The following DPYD variants were observed in gnomAD, a reference collection of about 807,000 sequenced individuals.
The protein encoded by DPYD is dihydropyrimidine dehydrogenase, also known as dihydropyrimidine dehydrogenase [NADP(+)].
In DPYD, 109 loss-of-function variants were observed where a neutral mutation model predicts 116.2. The ratio of observed to expected loss-of-function variants is 0.94; its 90% CI spans 0.80 to 1.10. DPYD has a LOEUF of 1.10. Ranked by LOEUF, DPYD falls within the 50% of genes least tolerant of loss-of-function variation. The probability of loss-of-function intolerance (pLI) is 0.00; values close to 1 mark genes in which losing one functional copy is unlikely to be tolerated. For synonymous variants in DPYD, 440 were observed against 432.0 expected (o/e 1.02, Z -0.23); for missense variants, 1,302 against 1,254.5 (o/e 1.04, Z -0.57).
At chr1:97,554,763 C>A (rs1370221816) in intron 11 of DPYD, among the ~76,000 whole-genome samples, 1 of 152,090 alleles carries the variant, frequency 6.6e-6, no homozygotes, top group Non-Finnish European at 1.5e-5. Context: ...CTCCCTTCCA[C>A]TTCTCAGTAC....
At chr1:97,794,420 G>A (rs1261121217) in intron 3 of DPYD, among the ~76,000 whole-genome samples, 1 of 151,968 alleles carries the variant, frequency 6.6e-6, no homozygotes, top group African/African-American at 2.4e-5. Context: ...TACCAAATAA[G>A]ACATACAGAT....
chr1:97,514,006 C>A (rs898941978), intron 13 of DPYD, among the ~76,000 whole-genome samples: 5 of 151,746 alleles, frequency 3.3e-5, no homozygotes, highest in African/African-American at 1.2e-4. Flanking sequence ...TTTTGTTGTA[C>A]CCACCATCAA....
chr1:97,274,979 G>T (rs1013294789), intron 18 of DPYD, among the ~76,000 whole-genome samples: 2 of 152,166 alleles, frequency 1.3e-5, no homozygotes, highest in Non-Finnish European at 2.9e-5. Flanking sequence ...TTTGGGGAGT[G>T]TAAGGAAAAT....
At chr1:97,898,297 G>A (rs1466670991) in intron 1 of DPYD, among the ~76,000 whole-genome samples, 1 of 151,730 alleles carries the variant, frequency 6.6e-6, no homozygotes, top group Non-Finnish European at 1.5e-5. Flanking sequence ...TGATCTGCAG[G>A]TTTCTCTCTG....
At chr1:97,255,708 GTT>G (rs11428644) in intron 18 of DPYD, among the ~76,000 whole-genome samples, 2 of 149,190 alleles carry the variant, frequency 1.3e-5, no homozygotes, top group African/African-American at 2.5e-5. Context: ...TATTTTTGCC[GTT>G]TTTTTTTTTC....
intron 18 of DPYD, among the ~76,000 whole-genome samples, chr1:97,291,116 G>T (rs972766012): frequency 2.0e-5 from 3 of 152,192 alleles, no homozygotes; most frequent in African/African-American, 7.2e-5. Context: ...TCAGAGAAAT[G>T]CAAATCAAAA....
At chr1:97,564,801 C>T (rs948537849) in intron 11 of DPYD, among the ~76,000 whole-genome samples, 1 of 152,118 alleles carries the variant, frequency 6.6e-6, no homozygotes, top group African/African-American at 2.4e-5. Context: ...AACTTAGTCA[C>T]GGTAACTACT....
intron 20 of DPYD, among the ~76,000 whole-genome samples, chr1:97,175,393 G>A (rs966037984): frequency 1.3e-5 from 2 of 152,106 alleles, no homozygotes; most frequent in Non-Finnish European, 2.9e-5. Flanking sequence ...CAAAATTATG[G>A]TGATGTGCAA....
intron 11 of DPYD, among the ~76,000 whole-genome samples, 170 bp downstream of exon 11, chr1:97,573,590 T>C (rs1207694073): frequency 6.6e-6 from 1 of 152,160 alleles, no homozygotes; most frequent in African/African-American, 2.4e-5. Flanking sequence ...TAATTCTATA[T>C]AAGCATTAAA....
At chr1:97,454,300 G>A (rs749815096) in intron 13 of DPYD, among the ~76,000 whole-genome samples, 4 of 151,928 alleles carry the variant, frequency 2.6e-5, no homozygotes, top group Non-Finnish European at 5.9e-5. Flanking sequence ...TAGAGTTAGA[G>A]TTTAAATAAT....
intron 14 of DPYD, among the ~76,000 whole-genome samples, chr1:97,431,552 G>A (rs1267296383): frequency 6.6e-6 from 1 of 152,010 alleles, no homozygotes; most frequent in Admixed American, 6.6e-5. Context: ...TCAGTTTGGG[G>A]AATTTCTTTC....
intron 3 of DPYD, among the ~76,000 whole-genome samples, chr1:97,776,714 C>T (rs866135257): frequency 6.6e-6 from 1 of 152,142 alleles, no homozygotes; most frequent in Non-Finnish European, 1.5e-5. Flanking sequence ...TGTAAATTCT[C>T]CAGGCAGAGG....
chr1:97,864,562 A>G (rs1671278744), intron 2 of DPYD, among the ~76,000 whole-genome samples: 1 of 151,882 alleles, frequency 6.6e-6, no homozygotes. Context: ...TGTAGATAAT[A>G]AATCTTGATA....
intron 7 of DPYD, among the ~76,000 whole-genome samples, chr1:97,684,702 G>C (rs1416430218): frequency 1.3e-5 from 2 of 151,986 alleles, no homozygotes; most frequent in Non-Finnish European, 2.9e-5. Context: ...AAGCATCGAA[G>C]AATATTATAA....
chr1:97,146,666 TTG>T (rs1475577998), intron 20 of DPYD, among the ~76,000 whole-genome samples: 1 of 152,174 alleles, frequency 6.6e-6, no homozygotes, highest in Non-Finnish European at 1.5e-5. Flanking sequence ...GGAACCTTTT[TTG>T]TGTGTGTGAT....
At chr1:97,349,800 T>C (rs1670047224) in intron 16 of DPYD, among the ~76,000 whole-genome samples, 1 of 152,098 alleles carries the variant, frequency 6.6e-6, no homozygotes, top group Admixed American at 6.6e-5. Context: ...AGTACTGCAA[T>C]AAATATACGT....
intron 11 of DPYD, among the ~76,000 whole-genome samples, chr1:97,555,510 G>A (rs1185969346): frequency 6.6e-6 from 1 of 151,946 alleles, no homozygotes; most frequent in Non-Finnish European, 1.5e-5. Flanking sequence ...TATTATTGGT[G>A]ACCTTACTCT....
chr1:97,096,509 C>T (rs545276059), intron 21 of DPYD, among the ~76,000 whole-genome samples: 1 of 152,060 alleles, frequency 6.6e-6, no homozygotes, highest in Non-Finnish European at 1.5e-5. Context: ...GCTGGACTTC[C>T]TGGGTCCAGT....
chr1:97,700,123 A>G (rs1661515314), intron 5 of DPYD: 3 of 421,588 alleles, frequency 7.1e-6, no homozygotes, highest in African/African-American at 4.1e-5. Flanking sequence ...AACATCTCAG[A>G]GGAAAGTAAG....
Sources: allele counts gnomAD v4.1 joint callset (sites outside exome capture counted in the v4.1 genomes callset), GRCh38; gene constraint gnomAD v4.1.1; transcripts MANE v1.5; gene names NCBI Gene and HGNC (gene_info 2026-07-23, HGNC 2026-07-21).